Variants in FURIN observed in about 807,000 individuals in gnomAD.
The protein encoded by FURIN is furin, paired basic amino acid cleaving enzyme, also known as FES upstream region.
A neutral mutation model predicts 89.2 loss-of-function variants in FURIN; 18 were observed. The ratio of observed to expected loss-of-function variants is 0.20; its 90% CI spans 0.14 to 0.30. The LOEUF is 0.30. Among genes scored for constraint, FURIN ranks in the 10% least tolerant of loss-of-function variants. The pLI is 1.00. For missense variants in FURIN, 879 were observed against 1,100.5 expected (o/e 0.80, Z 2.85); for synonymous variants, 508 against 466.4 (o/e 1.09, Z -1.15).
In FURIN at chr15:90,876,434, A is replaced by T; in HGVS notation, c.277-28A>T. 1 of 1,574,548 alleles carries T rather than the reference A, an allele frequency of 6.4e-7. No homozygotes were observed. The highest frequency in any genetic ancestry group is 8.7e-7 in the Non-Finnish European group (1 of 1,148,618). On this transcript the variant is annotated intron_variant, in intron 3 of 15. Transcript: ENST00000268171. The surrounding 1 kb of genome is among the most constrained non-coding windows in gnomAD (Gnocchi z 5.0). ...GCCCCTCTCGCCTCCTGCTCCACCC[A>T]CACCATCTCTCCCTCACTCCCCCAC...
chr15:90,874,742 G>T (rs1371522841), intron 1 of FURIN, among the ~76,000 whole-genome samples: 1 of 152,182 alleles, frequency 6.6e-6, no homozygotes, highest in Admixed American at 6.5e-5. Flanking sequence ...AGGTGATTTG[G>T]AGAATACAGT....
rs372306298 is a variant in FURIN, at chr15:90,880,078, G to A, written c.1377-16G>A. On this transcript the variant is annotated splice_polypyrimidine_tract_variant and intron_variant, in intron 12 of 15. Transcript: ENST00000268171. ...CCTCTGGGCCAGGCTGACCATCATG[G>A]TGCTCTCCTGCACAGAGACATCGGG... The A allele has an allele frequency of 6.2e-7, 1 of 1,603,870 alleles. No individual in the cohort carries two copies. The highest frequency in any genetic ancestry group is 8.5e-7 in the Non-Finnish European group (1 of 1,173,526).
chr15:90,874,480 C>T (rs979318357), intron 1 of FURIN, among the ~76,000 whole-genome samples: 21 of 152,226 alleles, frequency 1.4e-4, no homozygotes, highest in African/African-American at 4.6e-4. Context: ...TTGCTGATAG[C>T]GGCCATCTCA....
At position 90,876,346 on chromosome 15, in the gene FURIN, A is replaced by G. The variant is rs757549586; in HGVS notation, c.269A>G (p.Glu90Gly). The G allele has an allele frequency of 1.2e-6, 2 of 1,607,342 alleles. No individual in the cohort carries two copies. Among genetic ancestry groups the G allele is most frequent in the Non-Finnish European group, 1.7e-6 (2 of 1,174,334 alleles). Residue 90 changes from glutamate (E) to glycine (G), a missense_variant, in exon 3 of 16, where the codon GAG becomes GGG. By Grantham distance (98) the Glu-to-Gly change is moderately conservative. Transcript: ENST00000268171. This position sits in a 1 kb window ranked among gnomAD's most constrained non-coding sequence, Gnocchi z 5.0. ...CCGCGGCACAGCCGGCTGCAGAGGGAGCCTCAAGTGAGTGTGGCCCCAGCC... is the reference window on the plus strand; with the variant it reads ...CCGCGGCACAGCCGGCTGCAGAGGGGGCCTCAAGTGAGTGTGGCCCCAGCC... ...HRPRHSRLQREPQVQWLEQQV... is the reference protein window; with the variant it reads ...HRPRHSRLQRGPQVQWLEQQV...
At chr15:90,878,700 T>C (rs1400760297) in intron 8 of FURIN, 64 bp from the exon 9 acceptor site, 1 of 957,062 alleles carries the variant, frequency 1.0e-6, no homozygotes, top group Non-Finnish European at 1.6e-6. Context: ...TTTCCAGCAG[T>C]GTCCTCCTGC....
rs1196654233 is a variant in FURIN at position 90,882,528 on chromosome 15, C to A, written c.*650C>A. 6.5e-6 allele frequency: 1 copy of A among 153,336 alleles called. No individual in the cohort carries two copies. Among genetic ancestry groups the A allele is most frequent in the African/African-American group, 2.4e-5 (1 of 41,472 alleles). 9.5% of individuals were successfully genotyped at this position (153,336 alleles called of 1,614,324 possible). ...AGCCAAGGCCGAAGCTCTGGCTGAA[C>A]CCTGTGCTGGTGTCCTGACCACCCT... On this transcript the variant is annotated 3_prime_UTR_variant, in exon 16 of 16. Coordinates refer to ENST00000268171, the MANE Select transcript of FURIN (RefSeq NM_002569.4).
intron 1 of FURIN, among the ~76,000 whole-genome samples, chr15:90,872,068 G>A (rs560288617): frequency 1.3e-5 from 2 of 151,372 alleles, no homozygotes; most frequent in Non-Finnish European, 3.0e-5. Context: ...CCGCCGGCTC[G>A]CCCACTCCGC....
rs2031575873 is a variant in FURIN at position 90,875,720 on chromosome 15, TC to T, written c.-18del. 2 of 1,518,180 alleles carry T rather than the reference TC, an allele frequency of 1.3e-6. No homozygotes were observed. The highest frequency in any genetic ancestry group is 2.5e-5 in the South Asian group (2 of 79,412). 94.0% of individuals were successfully genotyped at this position (1,518,180 alleles called of 1,614,324 possible). A position where few individuals can be genotyped will look rare whatever the true frequency, so the allele number is the denominator to read the frequency against. ...GGCCAAGGAGACGGGCGCTCCAGGG[TC>T]CCAGCCACCTGTCCCCCCCATGGAG... On this transcript the variant is annotated 5_prime_UTR_variant, in exon 2 of 16. Transcript: ENST00000268171.
At position 90,879,959 on chromosome 15, in the gene FURIN, A is replaced by G. The variant is rs2031857191; in HGVS notation, c.1351A>G (p.Ile451Val). Residue 451 changes from isoleucine to valine, a missense_variant, in exon 12 of 16, where the codon ATC becomes GTC. Ile to Val is a conservative substitution (Grantham distance 29). Transcript: ENST00000268171. Reference protein sequence around the residue: ...WTTVAPQRKCIIDILTEPKDI... With the variant: ...WTTVAPQRKCVIDILTEPKDI... ...CACAGTGGCCCCCCAGCGGAAGTGC[A>G]TCATCGACATCCTCACCGAGCCCAA... The G allele has an allele frequency of 6.2e-7, 1 of 1,613,010 alleles. No individual in the cohort carries two copies. The highest frequency in any genetic ancestry group is 8.5e-7 in the Non-Finnish European group (1 of 1,179,868).
intron 11 of FURIN, 30 bp from the exon 12 acceptor site, chr15:90,879,837 C>A: frequency 6.2e-7 from 1 of 1,605,574 alleles, no homozygotes; most frequent in Non-Finnish European, 8.5e-7. Context: ...CTGTGCCTGA[C>A]AGCTGACCCT....
chr15:90,873,646 G>A (rs984146117), intron 1 of FURIN, among the ~76,000 whole-genome samples: 8 of 152,052 alleles, frequency 5.3e-5, no homozygotes, highest in African/African-American at 1.7e-4. Flanking sequence ...GGGGGGGGCG[G>A]TCCTTCCATC....
chr15:90,877,442 G>A (rs976717414), intron 6 of FURIN, 85 bp from the exon 7 acceptor site: 9 of 1,097,594 alleles, frequency 8.2e-6, no homozygotes, highest in East Asian at 5.2e-5. Flanking sequence ...TCGGATGTGC[G>A]GATCCCTCGT....
intron 6 of FURIN, 76 bp from the exon 7 acceptor site, chr15:90,877,451 G>C: frequency 8.4e-7 from 1 of 1,189,666 alleles, no homozygotes; most frequent in Non-Finnish European, 1.2e-6. Context: ...CGGATCCCTC[G>C]TGCTCCTCAG....
In FURIN at chr15:90,881,666, A is replaced by G. The variant is rs202152215; in HGVS notation, c.2173A>G (p.Ile725Val). 3.1e-5 allele frequency: 49 copies of G among 1,585,486 alleles called. No individual in the cohort carries two copies. In the East Asian group the frequency reaches 9.4e-4, roughly 31 times the overall value. ...EVVAGLSCAF[I>V]VLVFVTVFLV... The stretch of plus-strand genomic sequence containing the variant: ...GGTGGCCGGCCTCAGCTGCGCCTTC[A>G]TCGTGCTGGTCTTCGTCACTGTCTT... The change falls in exon 16 of 16, where the codon ATC becomes GTC. Residue 725 changes from isoleucine (I) to valine (V), a missense_variant. Around this residue, in one of 5 missense-constraint regions of FURIN, gnomAD observed 457 missense variants for 490.7 expected, o/e 0.93. Coordinates refer to ENST00000268171, the MANE Select transcript of FURIN (RefSeq NM_002569.4). This position sits in a 1 kb window ranked among gnomAD's most constrained non-coding sequence, Gnocchi z 4.3.
intron 12 of FURIN, 42 bp from the exon 13 acceptor site, chr15:90,880,052 C>G: frequency 6.2e-7 from 1 of 1,603,526 alleles, no homozygotes; most frequent in Non-Finnish European, 8.5e-7. Context: ...GCCCGCTGGT[C>G]CCTCTGGGCC....
Position 90,877,569 on chromosome 15 carries a change from C to A in FURIN, c.621C>A (p.Asn207Lys). Residue 207 changes from asparagine to lysine, a missense_variant, in exon 7 of 16, where the codon AAC becomes AAA. Physicochemically the swap from Asn to Lys is moderately conservative, Grantham distance 94. Transcript: ENST00000268171. ...CGGGGGAAGTGGCTGCGGTGGCCAA[C>A]AACGGTGTCTGTGGTGTAGGTGTGG... ...RCAGEVAAVA[N>K]NGVCGVGVAY... The A allele has an allele frequency of 6.3e-7, 1 of 1,579,592 alleles. No homozygotes were observed. Among genetic ancestry groups the A allele is most frequent in the South Asian group, 1.2e-5 (1 of 86,132 alleles).
chr15:90,881,637 AGGT>A lies in FURIN; in HGVS notation c.2150_2152del (p.Val717del). 6.3e-7 allele frequency: 1 copy of A among 1,590,316 alleles called. No individual in the cohort carries two copies. Among genetic ancestry groups the A allele is most frequent in the South Asian group, 1.1e-5 (1 of 88,572 alleles). On this transcript the variant is annotated inframe_deletion, in exon 16 of 16. Transcript: ENST00000268171. The surrounding 1 kb of genome is among the most constrained non-coding windows in gnomAD (Gnocchi z 4.3). ...GGGCTGCTGCCCTCACACCTGCCTGAGGTGGTGGCCGGCCTCAGCTGCGCCTTC... is the reference window on the plus strand; with the variant it reads ...GGGCTGCTGCCCTCACACCTGCCTGAGGTGGCCGGCCTCAGCTGCGCCTTC...
At chr15:90,873,644 C>T (rs951415292) in intron 1 of FURIN, among the ~76,000 whole-genome samples, 1 of 151,286 alleles carries the variant, frequency 6.6e-6, no homozygotes, top group Non-Finnish European at 1.5e-5. Context: ...GTGGGGGGGG[C>T]GGTCCTTCCA....
At position 90,881,473 on chromosome 15, in the gene FURIN, C is replaced by T. The variant is rs1257400874; in HGVS notation, c.1980C>T (p.Leu660=). The T allele has an allele frequency of 1.2e-6, 2 of 1,612,018 alleles. No individual in the cohort carries two copies. The highest frequency in any genetic ancestry group is 1.7e-5 in the Admixed American group (1 of 59,972). Residue 660 remains leucine (L), a synonymous_variant, in exon 16 of 16, where the codon CTC becomes CTT. Coordinates refer to ENST00000268171, the MANE Select transcript of FURIN (RefSeq NM_002569.4). This position sits in a 1 kb window ranked among gnomAD's most constrained non-coding sequence, Gnocchi z 4.3. ...TCQGPALTDC[L]SCPSHASLDP... is the part of the protein sequence containing the mutation. ...AGGGGCCGGCCCTGACAGACTGCCT[C>T]AGCTGCCCCAGCCACGCCTCCTTGG...
Sources: allele counts gnomAD v4.1 joint callset (sites outside exome capture counted in the v4.1 genomes callset), GRCh38; gene constraint gnomAD v4.1.1; regional missense constraint gnomAD v4.1.1; non-coding constraint Gnocchi (gnomAD v3.1); transcripts MANE v1.5; gene names NCBI Gene and HGNC (gene_info 2026-07-23, HGNC 2026-07-21).